Variants in PIGZ observed in about 807,000 individuals in gnomAD.
PIGZ encodes GPI alpha-1,2-mannosyltransferase 4.
A neutral mutation model predicts 16.4 loss-of-function variants in PIGZ; 16 were observed. The ratio of observed to expected loss-of-function variants is 0.97; its 90% CI spans 0.66 to 1.48. PIGZ has a LOEUF of 1.48. PIGZ is among the 40% of genes most tolerant of loss of function. The probability of loss-of-function intolerance (pLI) is 0.00; values close to 1 mark genes in which losing one functional copy is unlikely to be tolerated. For synonymous variants in PIGZ, 409 were observed against 338.4 expected (o/e 1.21, Z -2.29); for missense variants, 770 against 739.2 (o/e 1.04, Z -0.48).
chr3:196,949,197 G>T (rs923073176), intron 2 of PIGZ, among the ~76,000 whole-genome samples: 1 of 151,742 alleles, frequency 6.6e-6, no homozygotes, highest in Non-Finnish European at 1.5e-5. Context: ...CTAATGTGCT[G>T]GGATTACAGG....
In PIGZ at chr3:196,962,762, AT is replaced by A. The variant is rs532066090; in HGVS notation, c.-1+5924del. On this transcript the variant is annotated intron_variant, in intron 1 of 2. Coordinates refer to ENST00000412723, the MANE Select transcript of PIGZ (RefSeq NM_025163.4). Reference sequence around the variant, plus strand: ...AGGCATAGCACCTTTCCTTAAACTTATTTATGACACAGAGTCTTTTGTTCAC... The same window carrying A: ...AGGCATAGCACCTTTCCTTAAACTTATTATGACACAGAGTCTTTTGTTCAC... 2.3e-3 allele frequency among the ~76,000 whole-genome samples: 348 copies of A among 152,304 alleles called. 3 individuals carry two copies. The highest frequency in any genetic ancestry group is 7.9e-3 in the African/African-American group (329 of 41,542).
intron 1 of PIGZ, among the ~76,000 whole-genome samples, chr3:196,953,538 A>G (rs1041461524): frequency 1.3e-5 from 2 of 152,228 alleles, no homozygotes; most frequent in African/African-American, 2.4e-5. Flanking sequence ...GAAGTTTTCT[A>G]TGTAACTCAA....
chr3:196,948,882 T>C (rs868622028), intron 2 of PIGZ, among the ~76,000 whole-genome samples, 197 bp from the exon 3 acceptor site: 12 of 26,514 alleles, frequency 4.5e-4, no homozygotes, highest in African/African-American at 8.8e-4. Context: ...CTTCCTTCCC[T>C]TCCTTCCCCT....
In PIGZ at chr3:196,947,010, C is replaced by T. The variant is rs1204183003; in HGVS notation, c.*147G>A. 3.0e-6 allele frequency: 2 copies of T among 664,768 alleles called. No individual in the cohort carries two copies. The highest frequency in any genetic ancestry group is 4.9e-6 in the Non-Finnish European group (2 of 406,252). The allele number at this position is 664,768 out of a possible 1,614,324, so 41.2% of individuals were successfully genotyped here. A position where few individuals can be genotyped will look rare whatever the true frequency, so the allele number is the denominator to read the frequency against. On this transcript the variant is annotated 3_prime_UTR_variant, in exon 3 of 3. Transcript: ENST00000412723. ...CCAGCTCACCCAGAAGGCAGAACAGCTAACAGCCATGCCCAGGAGAGGCAG... is the reference window on the plus strand; with the variant it reads ...CCAGCTCACCCAGAAGGCAGAACAGTTAACAGCCATGCCCAGGAGAGGCAG...
intron 1 of PIGZ, among the ~76,000 whole-genome samples, chr3:196,957,030 T>C (rs1230955633): frequency 1.3e-5 from 2 of 152,232 alleles, no homozygotes; most frequent in African/African-American, 2.4e-5. Flanking sequence ...TTCTTTGGAA[T>C]ATTACTGTGG....
chr3:196,968,483 AG>A (rs1157893499), intron 1 of PIGZ, among the ~76,000 whole-genome samples: 1 of 152,224 alleles, frequency 6.6e-6, no homozygotes, highest in Non-Finnish European at 1.5e-5. Flanking sequence ...GGGGCGGGTC[AG>A]TGCTTCGAGC....
intron 1 of PIGZ, among the ~76,000 whole-genome samples, chr3:196,967,779 C>G (rs922402258): frequency 1.3e-5 from 2 of 152,202 alleles, no homozygotes; most frequent in Non-Finnish European, 2.9e-5. Context: ...CTTCGCTTCA[C>G]AGAGAACGCA....
At chr3:196,966,057 T>C (rs1448276223) in intron 1 of PIGZ, among the ~76,000 whole-genome samples, 1 of 152,216 alleles carries the variant, frequency 6.6e-6, no homozygotes, top group Non-Finnish European at 1.5e-5. Flanking sequence ...TCCACTCCTG[T>C]GTTCGTGAGT....
intron 1 of PIGZ, among the ~76,000 whole-genome samples, chr3:196,955,564 TTTTC>T (rs1353120537): frequency 4.5e-5 from 5 of 109,928 alleles, no homozygotes; most frequent in Non-Finnish European, 7.3e-5. Flanking sequence ...TTTTCTTTTC[TTTTC>T]TTTCTTTCTT....
chr3:196,950,764 A>G (rs1321959312), intron 2 of PIGZ, among the ~76,000 whole-genome samples: 4 of 115,966 alleles, frequency 3.4e-5, no homozygotes, highest in African/African-American at 1.4e-4. Context: ...TCTTTTTTTG[A>G]GATGGAGTCT....
At chr3:196,968,472 C>G (rs1025561915) in intron 1 of PIGZ, among the ~76,000 whole-genome samples, 4 of 152,226 alleles carry the variant, frequency 2.6e-5, no homozygotes, top group African/African-American at 9.6e-5. Context: ...CCCCTAGGTC[C>G]GGGGCGGGTC....
Position 196,946,973 on chromosome 3 carries a change from G to C in PIGZ, c.*184C>G, listed in dbSNP as rs765977325. On this transcript the variant is annotated 3_prime_UTR_variant, in exon 3 of 3. Transcript: ENST00000412723. ...CCGACAGGTCAAATCTTTGGTCTCAGGGAGAAGAGTGCCAGCTCACCCAGA... is the reference window on the plus strand; with the variant it reads ...CCGACAGGTCAAATCTTTGGTCTCACGGAGAAGAGTGCCAGCTCACCCAGA... 1 of 545,046 alleles carries C rather than the reference G, an allele frequency of 1.8e-6. No individual in the cohort carries two copies. Among genetic ancestry groups the C allele is most frequent in the Non-Finnish European group, 3.2e-6 (1 of 315,764 alleles). 33.8% of individuals were successfully genotyped at this position (545,046 alleles called of 1,614,324 possible).
intron 1 of PIGZ, among the ~76,000 whole-genome samples, chr3:196,954,845 G>T (rs555219602): frequency 6.6e-5 from 10 of 152,134 alleles, no homozygotes; most frequent in Non-Finnish European, 1.3e-4. Context: ...ATGGATGCTT[G>T]AGAACACCAT....
intron 1 of PIGZ, among the ~76,000 whole-genome samples, chr3:196,968,367 C>G (rs1718019399): frequency 6.6e-6 from 1 of 152,242 alleles, no homozygotes; most frequent in South Asian, 2.1e-4. Context: ...GAAGCAGATT[C>G]AACCCCAGGC....
Position 196,948,166 on chromosome 3 carries a change from C to G in PIGZ, c.731G>C (p.Arg244Pro). The change falls in exon 3 of 3, where the codon CGT becomes CCT. Residue 244 changes from arginine (R) to proline (P), a missense_variant. Transcript: ENST00000412723. ...CTTCAAACCAGGGTTTGTGGCTCCA[C>G]GAGTGCCCCAGAGGTAGAGGGGGAC... ...AVVPLYLWGT[R>P]GATNPGLKSL... The G allele has an allele frequency of 6.2e-7, 1 of 1,612,992 alleles. No homozygotes were observed. The highest frequency in any genetic ancestry group is 1.7e-5 in the Admixed American group (1 of 59,932).
At position 196,948,527 on chromosome 3, in the gene PIGZ, C is replaced by A. The variant is rs759843676; in HGVS notation, c.370G>T (p.Ala124Ser). 1 of 1,610,754 alleles carries A rather than the reference C, an allele frequency of 6.2e-7. No individual in the cohort carries two copies. The highest frequency in any genetic ancestry group is 8.5e-7 in the Non-Finnish European group (1 of 1,178,612). ...AGGAGTCGAGGCCCCACCAGCAGCG[C>A]ATAGCCGCTCACCAGGCCAGGCCAC... Reference protein sequence around the residue: ...GPWPGLVSGYALLVGPRLLLT... With the variant: ...GPWPGLVSGYSLLVGPRLLLT... The change falls in exon 3 of 3, where the codon GCG becomes TCG. Residue 124 changes from alanine to serine, a missense_variant. Physicochemically the swap from Ala to Ser is moderately conservative, Grantham distance 99. Transcript: ENST00000412723.
intron 1 of PIGZ, among the ~76,000 whole-genome samples, chr3:196,954,297 A>C (rs1246850324): frequency 6.2e-5 from 8 of 129,636 alleles, no homozygotes; most frequent in African/African-American, 2.3e-4. Context: ...TCAATCAATA[A>C]AAAGTTTTTT....
chr3:196,965,179 T>C lies in PIGZ; in HGVS notation c.-1+3508A>G, dbSNP rs979911032. Among the ~76,000 whole-genome samples the C allele has an allele frequency of 1.5e-4, 23 of 152,244 alleles. No homozygotes were observed. Among genetic ancestry groups the C allele is most frequent in the African/African-American group, 5.5e-4 (23 of 41,470 alleles). On this transcript the variant is annotated intron_variant, in intron 1 of 2. Transcript: ENST00000412723. The surrounding 1 kb of genome is among the most constrained non-coding windows in gnomAD (Gnocchi z 4.2). ...ACTGCTATAAAGAACTGCCCAAGACTGGGCAATTTCTAAATAAAAGAGGTT... is the reference window on the plus strand; with the variant it reads ...ACTGCTATAAAGAACTGCCCAAGACCGGGCAATTTCTAAATAAAAGAGGTT...
chr3:196,961,371 C>T (rs1348066878), intron 1 of PIGZ, among the ~76,000 whole-genome samples: 2 of 152,112 alleles, frequency 1.3e-5, no homozygotes, highest in Non-Finnish European at 2.9e-5. Context: ...CAGCTAATTC[C>T]CTATATTAAC....
Sources: gnomAD v4.1 joint callset for allele counts (sites outside exome capture counted in the v4.1 genomes callset) on GRCh38, gnomAD v4.1.1 for gene constraint, Gnocchi (gnomAD v3.1) non-coding constraint, MANE v1.5 for transcripts, NCBI Gene and HGNC (gene_info 2026-07-23, HGNC 2026-07-21) for gene names.